NPEPL1: variants seen among roughly 807,000 people sequenced by gnomAD.
NPEPL1 encodes the protein probable aminopeptidase NPEPL1.
A neutral mutation model predicts 52.4 loss-of-function variants in NPEPL1; 45 were observed. The ratio of observed to expected loss-of-function variants is 0.86; its 90% confidence interval spans 0.68 to 1.10. NPEPL1 has a LOEUF of 1.10. Ranked by LOEUF, NPEPL1 falls within the 50% of genes least tolerant of loss-of-function variation. NPEPL1 has a pLI of 0.00. For synonymous variants in NPEPL1, 360 were observed against 314.7 expected (o/e 1.14, Z -1.52); for missense variants, 696 against 710.9 (o/e 0.98, Z 0.24).
At position 58,694,513 on chromosome 20, in the gene NPEPL1, G is replaced by T; in HGVS notation, c.428G>T (p.Arg143Leu). The T allele has an allele frequency of 6.2e-7, 1 of 1,614,018 alleles. No homozygotes were observed. The highest frequency in any genetic ancestry group is 1.1e-5 in the South Asian group (1 of 91,086). Residue 143 changes from arginine (R) to leucine (L), a missense_variant, in exon 3 of 12, where the codon CGC (arginine) becomes CTC (leucine). Transcript: ENST00000356091. ...LFTHRSGASR[R>L]LEKKTVTVEF... is the part of the protein sequence containing the mutation. ...ACCCACCGCTCAGGTGCCTCTCGGC[G>T]CTTGGAGAAGAAGACGGTCACCGTG...
intron 1 of NPEPL1, 138 bp from the exon 2 acceptor site, chr20:58,693,599 G>A (rs1022447066): frequency 1.4e-6 from 1 of 703,152 alleles, no homozygotes; most frequent in Non-Finnish European, 2.4e-6. Flanking sequence ...CCCTAAGGAT[G>A]GGAAAACGGT....
chr20:58,693,724 C>G lies in NPEPL1; in HGVS notation c.151-13C>G. The G allele has an allele frequency of 6.3e-7, 1 of 1,590,528 alleles. No individual in the cohort carries two copies. The highest frequency in any genetic ancestry group is 8.6e-7 in the Non-Finnish European group (1 of 1,162,726). On this transcript the variant is annotated splice_polypyrimidine_tract_variant and intron_variant, in intron 1 of 11. Transcript: ENST00000356091. ...TTGAAGCCTCTGTGTCTTGTCTCTC[C>G]CTTCTGATCTAGCTCTGGCAGGCTG...
chr20:58,710,971 G>A lies in NPEPL1; in HGVS notation c.901-1508G>A, dbSNP rs528588721. On this transcript the variant is annotated intron_variant, in intron 7 of 11. Coordinates refer to ENST00000356091, the MANE Select transcript of NPEPL1 (RefSeq NM_024663.4). ...TTCTCAGCTCTGCCCCAGACCTGCT[G>A]GATCAGAAATTAGGGGCAGGGCCCA... The A allele has an allele frequency of 5.3e-5, 8 of 152,338 alleles. No individual in the cohort carries two copies. The East Asian group carries it at 1.5e-3, about 29-fold the overall frequency. 9.4% of individuals were successfully genotyped at this position (152,338 alleles called of 1,614,324 possible). A position where few individuals can be genotyped will look rare whatever the true frequency, so the allele number is the denominator to read the frequency against.
In NPEPL1 at chr20:58,705,541, C is replaced by T. The variant is rs1394189736; in HGVS notation, c.823-1582C>T. Reference sequence around the variant, plus strand: ...CAGTGGCTCCCGGACCTCTTTGGGACTGTGGCCTGATACTCCAGCACAGGG... The same window carrying T: ...CAGTGGCTCCCGGACCTCTTTGGGATTGTGGCCTGATACTCCAGCACAGGG... On this transcript the variant is annotated intron_variant, in intron 6 of 11. Coordinates refer to ENST00000356091, the MANE Select transcript of NPEPL1 (RefSeq NM_024663.4). 8.5e-5 allele frequency: 39 copies of T among 456,210 alleles called. No individual in the cohort carries two copies. The Admixed American group carries it at 8.7e-4, about 10-fold the overall frequency. 28.3% of individuals were successfully genotyped at this position (456,210 alleles called of 1,614,324 possible).
intron 8 of NPEPL1, chr20:58,712,916 G>A (rs567565150): frequency 4.7e-4 from 192 of 406,934 alleles, no homozygotes; most frequent in Non-Finnish European, 7.7e-4. Context: ...CCCTGCTCGG[G>A]GACACCTCCT....
At chr20:58,692,686 G>A (rs1568844904), upstream of NPEPL1, 3 of 419,114 alleles carry the variant, frequency 7.2e-6, no homozygotes, top group South Asian at 9.7e-5. This position sits in a 1 kb window ranked among gnomAD's most constrained non-coding sequence, Gnocchi z 5.7. Flanking sequence ...GGCCGGGCCT[G>A]CCCGCACCCT....
At position 58,713,504 on chromosome 20, in the gene NPEPL1, C is replaced by T. The variant is rs781310118; in HGVS notation, c.1086C>T (p.Ala362=). Residue 362 remains alanine, a synonymous_variant, in exon 9 of 12, where the codon GCC becomes GCT. Coordinates refer to ENST00000356091, the MANE Select transcript of NPEPL1 (RefSeq NM_024663.4). The surrounding 1 kb of genome is among the most constrained non-coding windows in gnomAD (Gnocchi z 4.6). ...GVSYACKDLG[A]DIILDMATLT... is the part of the protein sequence containing the mutation. ...CCTATGCTTGCAAGGACCTGGGGGC[C>T]GACATCATCCTGGACATGGCCACCC... 26 of 1,610,922 alleles carry T rather than the reference C, an allele frequency of 1.6e-5. No individual in the cohort carries two copies. Among genetic ancestry groups the T allele is most frequent in the Admixed American group, 3.3e-5 (2 of 59,772 alleles).
intron 6 of NPEPL1, among the ~76,000 whole-genome samples, chr20:58,701,771 A>AC (rs1310450538): frequency 3.3e-5 from 5 of 152,048 alleles, no homozygotes; most frequent in African/African-American, 9.6e-5. Flanking sequence ...AAGGCACGTG[A>AC]CCCCCAAGAG....
chr20:58,695,984 C>T (rs2084482225), intron 3 of NPEPL1, among the ~76,000 whole-genome samples: 1 of 152,204 alleles, frequency 6.6e-6, no homozygotes, highest in Non-Finnish European at 1.5e-5. Context: ...TTCATGGCCT[C>T]TCCAGCGTTC....
In NPEPL1 at chr20:58,701,101, C is replaced by T. The variant is rs779874774; in HGVS notation, c.765C>T (p.Ile255=). ...CCCCAGATGGAGCCACGCAGACCAT[C>T]GCCTGGGTGGGCAAAGGCATCGTCT... The part of the protein sequence containing the change: ...SHTPDGATQT[I]AWVGKGIVYD... The change falls in exon 6 of 12, where the codon ATC becomes ATT. Residue 255 remains isoleucine (I), a synonymous_variant. Transcript: ENST00000356091. 6.9e-6 allele frequency: 11 copies of T among 1,592,696 alleles called. No homozygotes were observed. The highest frequency in any genetic ancestry group is 1.8e-5 in the Admixed American group (1 of 57,024).
chr20:58,693,108 C>T, intron 1 of NPEPL1, 58 bp downstream of exon 1: 1 of 977,222 alleles, frequency 1.0e-6, no homozygotes, highest in Non-Finnish European at 1.2e-6. Context: ...GCCCGGGCGG[C>T]CCGCGGAGGC....
Position 58,715,156 on chromosome 20 carries a change from CT to C in NPEPL1, c.1414-9del. On this transcript the variant is annotated splice_polypyrimidine_tract_variant and intron_variant, in intron 11 of 11. Coordinates refer to ENST00000356091, the MANE Select transcript of NPEPL1 (RefSeq NM_024663.4). Reference sequence around the variant, plus strand: ...CCACGCCCAGAGTCTGTGTCCTGCCCTTTGCTTGCAGGGTGAGCGAGCCACA... The same window carrying C: ...CCACGCCCAGAGTCTGTGTCCTGCCCTTGCTTGCAGGGTGAGCGAGCCACA... 1 of 1,596,058 alleles carries C rather than the reference CT, an allele frequency of 6.3e-7. No individual in the cohort carries two copies.
At chr20:58,706,489 C>T (rs905046507) in intron 6 of NPEPL1, among the ~76,000 whole-genome samples, 16 of 152,314 alleles carry the variant, frequency 1.1e-4, no homozygotes, top group African/African-American at 3.4e-4. Flanking sequence ...TTCTGGGGGG[C>T]GACAGGTGGC....
chr20:58,691,760 G>A, upstream of NPEPL1: 2 of 1,468,288 alleles, frequency 1.4e-6, no homozygotes, highest in East Asian at 2.5e-5. Flanking sequence ...TAACAGGAGT[G>A]GCTTATGGAA....
Position 58,713,861 on chromosome 20 carries a change from G to A in NPEPL1, c.1126-56G>A, listed in dbSNP as rs1450781428. On this transcript the variant is annotated intron_variant, in intron 9 of 11. Coordinates refer to ENST00000356091, the MANE Select transcript of NPEPL1 (RefSeq NM_024663.4). The surrounding 1 kb of genome is among the most constrained non-coding windows in gnomAD (Gnocchi z 4.6). ...TGCCTCCCGGTCCCTCTTTTGCCTT[G>A]GGTGTTTCTCTCCTGCCGTCCCGTC... The A allele has an allele frequency of 7.1e-7, 1 of 1,402,488 alleles. No homozygotes were observed. The highest frequency in any genetic ancestry group is 1.5e-5 in the African/African-American group (1 of 68,324). The allele number at this position is 1,402,488 out of a possible 1,614,324, so 86.9% of individuals were successfully genotyped here.
At chr20:58,714,994 C>T (rs764343683) in intron 11 of NPEPL1, 174 bp from the exon 12 acceptor site, 23 of 743,790 alleles carry the variant, frequency 3.1e-5, no homozygotes, top group East Asian at 8.2e-5. Context: ...CAGCCCTGAA[C>T]GTGTCCAGCC....
intron 7 of NPEPL1, chr20:58,710,791 G>T (rs73124388): frequency 0.11 from 17,485 of 152,434 alleles, 1,127 homozygotes; most frequent in African/African-American, 0.14. Flanking sequence ...CAGACTGGCC[G>T]TGAGGGCCGC....
chr20:58,699,377 A>C, intron 5 of NPEPL1, 99 bp downstream of exon 5: 1 of 872,182 alleles, frequency 1.1e-6, no homozygotes, highest in South Asian at 1.7e-5. Flanking sequence ...CATTGTCCCA[A>C]ACTTCATCCT....
intron 7 of NPEPL1, 45 bp from the exon 8 acceptor site, chr20:58,712,434 A>G: frequency 7.3e-7 from 1 of 1,376,544 alleles, no homozygotes; most frequent in Non-Finnish European, 1.0e-6. Context: ...CCCCTCCCCA[A>G]ACCTATGACC....
Sources: gnomAD v4.1 joint callset for allele counts (sites outside exome capture counted in the v4.1 genomes callset) on GRCh38, gnomAD v4.1.1 for gene constraint, Gnocchi (gnomAD v3.1) non-coding constraint, MANE v1.5 for transcripts, NCBI Gene and HGNC (gene_info 2026-07-23, HGNC 2026-07-21) for gene names.